Variants in ZNF521 observed in about 807,000 individuals in gnomAD.
ZNF521 encodes the protein LYST-interacting protein 3.
Under a neutral mutation model 105.5 loss-of-function variants are expected in ZNF521, and 14 were observed. The ratio of observed to expected loss-of-function variants is 0.13; its 90% CI spans 0.09 to 0.21. The LOEUF is 0.21. Among genes scored for constraint, ZNF521 ranks in the 10% least tolerant of loss-of-function variants. ZNF521 has a pLI of 1.00. For missense variants in ZNF521, 1,233 were observed against 1,629.7 expected (o/e 0.76, Z 4.19); for synonymous variants, 635 against 606.0 (o/e 1.05, Z -0.70).
At chr18:25,216,057 C>T (rs1905306816) in intron 4 of ZNF521, among the ~76,000 whole-genome samples, 1 of 152,162 alleles carries the variant, frequency 6.6e-6, no homozygotes, top group Admixed American at 6.5e-5. Context: ...TTAGTTTTTG[C>T]TCTTTGCATA....
intron 5 of ZNF521, among the ~76,000 whole-genome samples, chr18:25,169,878 G>A (rs1445460174): frequency 6.6e-6 from 1 of 152,170 alleles, no homozygotes; most frequent in Admixed American, 6.5e-5. Flanking sequence ...TCTTCGGTAT[G>A]TATGAGTCAC....
intron 3 of ZNF521, among the ~76,000 whole-genome samples, chr18:25,274,498 T>C (rs952538515): frequency 6.6e-6 from 1 of 152,170 alleles, no homozygotes; most frequent in Non-Finnish European, 1.5e-5. Flanking sequence ...TATTAGAGGT[T>C]AATGGCATAT....
chr18:25,330,037 A>G (rs192346826), intron 2 of ZNF521, among the ~76,000 whole-genome samples: 2 of 152,190 alleles, frequency 1.3e-5, no homozygotes, highest in Non-Finnish European at 2.9e-5. Flanking sequence ...AGACAGGAGC[A>G]TGCTTTTCTC....
chr18:25,308,854 T>C (rs562163774), intron 3 of ZNF521, among the ~76,000 whole-genome samples: 1 of 152,134 alleles, frequency 6.6e-6, no homozygotes, highest in Admixed American at 6.5e-5. Context: ...GATGGTCTTC[T>C]TAGTGTAGCA....
intron 5 of ZNF521, among the ~76,000 whole-genome samples, chr18:25,112,488 A>G (rs1022644292): frequency 1.3e-5 from 2 of 152,190 alleles, no homozygotes; most frequent in Non-Finnish European, 2.9e-5. Flanking sequence ...AGGGCTAGCT[A>G]AACTGCTAAA....
At chr18:25,160,971 TC>T (rs2035240384) in intron 5 of ZNF521, among the ~76,000 whole-genome samples, 1 of 152,220 alleles carries the variant, frequency 6.6e-6, no homozygotes, top group African/African-American at 2.4e-5. Context: ...GTCTGATACC[TC>T]CTGAGGCCCC....
chr18:25,086,571 G>A (rs72881238), intron 7 of ZNF521, among the ~76,000 whole-genome samples: 4,172 of 152,180 alleles, frequency 0.027, 100 homozygotes, highest in Middle Eastern at 0.11. Context: ...ATAGTTTTGC[G>A]AAATATTGAC....
At chr18:25,186,225 T>C (rs1170053438) in intron 5 of ZNF521, among the ~76,000 whole-genome samples, 7 of 152,328 alleles carry the variant, frequency 4.6e-5, no homozygotes, top group Middle Eastern at 3.4e-3. Context: ...TGCTTCTCAT[T>C]AGCATTACTC....
At chr18:25,074,062 G>T (rs9950691) in intron 7 of ZNF521, among the ~76,000 whole-genome samples, 1 of 151,698 alleles carries the variant, frequency 6.6e-6, no homozygotes, top group African/African-American at 2.4e-5. Flanking sequence ...ACATGTGTGC[G>T]CACGCGTGTG....
Position 25,226,862 on chromosome 18 carries a change from G to C in ZNF521, c.1056C>G (p.Thr352=). The C allele has an allele frequency of 6.2e-7, 1 of 1,613,980 alleles. No individual in the cohort carries two copies. The highest frequency in any genetic ancestry group is 8.5e-7 in the Non-Finnish European group (1 of 1,179,992). The part of the protein sequence containing the change: ...NSPSLVTVGY[T]SVSSTTPDSN... ...AATCTGGAGTCGTACTGGACACGGA[G>C]GTATAGCCCACCGTGACCAGGGAAG... Residue 352 remains threonine (T), a synonymous_variant, in exon 4 of 8, where the codon ACC becomes ACG. Transcript: ENST00000361524. This position sits in a 1 kb window ranked among gnomAD's most constrained non-coding sequence, Gnocchi z 4.1.
intron 3 of ZNF521, among the ~76,000 whole-genome samples, chr18:25,252,650 A>G (rs1478152413): frequency 6.6e-6 from 1 of 152,086 alleles, no homozygotes; most frequent in Non-Finnish European, 1.5e-5. Context: ...ATATCTGAAG[A>G]AGTTAAAATT....
rs187243965 is a variant in ZNF521 at position 25,227,818 on chromosome 18, A to T, written c.221-121T>A. The stretch of plus-strand genomic sequence containing the variant: ...CTTGAATCTTTCAAGAAAAAACAAA[A>T]TGAAAAGAGAGAATATTTGAGTGAG... On this transcript the variant is annotated intron_variant, in intron 3 of 7. Transcript: ENST00000361524. This position sits in a 1 kb window ranked among gnomAD's most constrained non-coding sequence, Gnocchi z 5.7. 5.1e-6 allele frequency: 4 copies of T among 778,774 alleles called. No homozygotes were observed. The highest frequency in any genetic ancestry group is 6.0e-5 in the Admixed American group (2 of 33,164). The allele number at this position is 778,774 out of a possible 1,614,324, so 48.2% of individuals were successfully genotyped here.
chr18:25,098,429 A>C (rs1459026739), intron 5 of ZNF521, among the ~76,000 whole-genome samples: 1 of 152,000 alleles, frequency 6.6e-6, no homozygotes, highest in African/African-American at 2.4e-5. Context: ...TAAAGGTAAA[A>C]CTTTGCCCTC....
At chr18:25,349,806 G>A (rs1423964180) in intron 2 of ZNF521, among the ~76,000 whole-genome samples, 3 of 150,104 alleles carry the variant, frequency 2.0e-5, no homozygotes, top group Admixed American at 2.0e-4. Flanking sequence ...GGGCGCACCA[G>A]CCGCCCTTTG....
chr18:25,151,412 T>C (rs991846535), intron 5 of ZNF521, among the ~76,000 whole-genome samples: 1 of 152,214 alleles, frequency 6.6e-6, no homozygotes, highest in Admixed American at 6.5e-5. Flanking sequence ...CAGATTTTAA[T>C]GATTTATGTT....
At chr18:25,339,829 G>A (rs1276397417) in intron 2 of ZNF521, among the ~76,000 whole-genome samples, 2 of 152,118 alleles carry the variant, frequency 1.3e-5, no homozygotes, top group African/African-American at 4.8e-5. Flanking sequence ...AGTTAGGTGG[G>A]TCGGAAAAAG....
chr18:25,336,844 A>G (rs4594330), intron 2 of ZNF521, among the ~76,000 whole-genome samples: 2,670 of 152,310 alleles, frequency 0.018, 138 homozygotes, highest in East Asian at 0.16. Flanking sequence ...AAAAGTGAGA[A>G]AACCTTTGAG....
At chr18:25,342,414 T>G in intron 2 of ZNF521, among the ~76,000 whole-genome samples, 1 of 85,684 alleles carries the variant, frequency 1.2e-5, no homozygotes, top group East Asian at 2.5e-4. Context: ...CTTTGTTTTT[T>G]TTTTGTTTGT....
At chr18:25,267,044 C>T (rs12458791) in intron 3 of ZNF521, among the ~76,000 whole-genome samples, 33 of 152,302 alleles carry the variant, frequency 2.2e-4, no homozygotes, top group African/African-American at 6.5e-4. Flanking sequence ...TTCTCGCTGC[C>T]AGCACAGCAG....
Sources: gnomAD v4.1 joint callset for allele counts (sites outside exome capture counted in the v4.1 genomes callset) on GRCh38, gnomAD v4.1.1 for gene constraint, Gnocchi (gnomAD v3.1) non-coding constraint, MANE v1.5 for transcripts, NCBI Gene and HGNC (gene_info 2026-07-23, HGNC 2026-07-21) for gene names.